The following LTBP1 variants were observed in gnomAD, a reference collection of about 807,000 sequenced individuals.
LTBP1 encodes the protein latent-transforming growth factor beta-binding protein 1.
Under a neutral mutation model 207.6 loss-of-function variants are expected in LTBP1, and 129 were observed. That is an observed-to-expected ratio of 0.62 (90% confidence interval 0.54 to 0.72). The LOEUF (loss-of-function observed/expected upper bound fraction) is 0.72, where lower values mean the gene tolerates loss of function less well. Among genes scored for constraint, LTBP1 ranks in the 30% least tolerant of loss-of-function variants. The pLI, the probability that LTBP1 is intolerant of heterozygous loss-of-function variation, is 0.00. For missense variants in LTBP1, 2,281 were observed against 2,217.2 expected (o/e 1.03, Z -0.58); for synonymous variants, 963 against 833.7 (o/e 1.16, Z -2.67).
chr2:33,225,171 G>A (rs1439407275), intron 9 of LTBP1, among the ~76,000 whole-genome samples: 2 of 152,106 alleles, frequency 1.3e-5, no homozygotes, highest in Non-Finnish European at 2.9e-5. Flanking sequence ...TATGGGGTAT[G>A]TAGTGATGTT....
chr2:32,992,211 C>A, intron 2 of LTBP1, among the ~76,000 whole-genome samples: 1 of 152,134 alleles, frequency 6.6e-6, no homozygotes. Context: ...TGTATGCTGC[C>A]ACGTGAAATG....
chr2:33,246,533 T>C (rs958708056), intron 10 of LTBP1, among the ~76,000 whole-genome samples: 2 of 152,056 alleles, frequency 1.3e-5, no homozygotes, highest in Non-Finnish European at 2.9e-5. Context: ...GGTTGCTAAA[T>C]GTTTGCTCTG....
At chr2:33,226,391 GT>G (rs2091439645) in intron 9 of LTBP1, among the ~76,000 whole-genome samples, 1 of 152,196 alleles carries the variant, frequency 6.6e-6, no homozygotes, top group African/African-American at 2.4e-5. Context: ...GCCTGAGAGG[GT>G]TTTTGGCTCT....
chr2:33,036,164 G>A (rs891501400), intron 3 of LTBP1, among the ~76,000 whole-genome samples: 7 of 152,106 alleles, frequency 4.6e-5, no homozygotes, highest in African/African-American at 1.4e-4. Flanking sequence ...CAGAATCGCC[G>A]GTGGAGGGCT....
At chr2:33,169,533 T>C (rs1177759586) in intron 5 of LTBP1, among the ~76,000 whole-genome samples, 1 of 152,040 alleles carries the variant, frequency 6.6e-6, no homozygotes, top group Non-Finnish European at 1.5e-5. Context: ...GAGAAGAAAA[T>C]AAAATACCAG....
chr2:33,034,337 G>A (rs1462617790), intron 3 of LTBP1, among the ~76,000 whole-genome samples: 29 of 152,112 alleles, frequency 1.9e-4, no homozygotes, highest in East Asian at 3.9e-4. Flanking sequence ...AACACTTGTC[G>A]GTATTAATAT....
intron 3 of LTBP1, among the ~76,000 whole-genome samples, chr2:33,055,051 G>C (rs1372687313): frequency 6.6e-6 from 1 of 152,130 alleles, no homozygotes; most frequent in Admixed American, 6.5e-5. Flanking sequence ...GAACCACCAA[G>C]GTTTGTTTGT....
At chr2:32,966,672 A>T (rs1680054656) in intron 2 of LTBP1, among the ~76,000 whole-genome samples, 1 of 152,070 alleles carries the variant, frequency 6.6e-6, no homozygotes, top group African/African-American at 2.4e-5. Flanking sequence ...TGTTGATGTG[A>T]TGGATTATGT....
chr2:33,288,889 G>T (rs2093720865), intron 19 of LTBP1, among the ~76,000 whole-genome samples: 2 of 151,896 alleles, frequency 1.3e-5, no homozygotes, highest in South Asian at 4.2e-4. Flanking sequence ...AAAAGAAGGT[G>T]GAGTCTGGGA....
chr2:33,029,747 G>C (rs143178319), intron 3 of LTBP1, among the ~76,000 whole-genome samples: 1 of 152,230 alleles, frequency 6.6e-6, no homozygotes, highest in Non-Finnish European at 1.5e-5. Context: ...CAAAATAGTG[G>C]AAAAATACTT....
chr2:33,216,647 T>G (rs2090725486), intron 7 of LTBP1, among the ~76,000 whole-genome samples: 1 of 152,214 alleles, frequency 6.6e-6, no homozygotes, highest in African/African-American at 2.4e-5. Flanking sequence ...TTGGATGCTC[T>G]GTGTTTGCAC....
chr2:33,152,176 A>G (rs2083591856), intron 5 of LTBP1, among the ~76,000 whole-genome samples: 2 of 152,144 alleles, frequency 1.3e-5, no homozygotes, highest in Admixed American at 1.3e-4. Context: ...ACATCTGACA[A>G]AGGACTAATA....
intron 3 of LTBP1, among the ~76,000 whole-genome samples, chr2:33,081,091 G>T (rs2149869108): frequency 6.6e-6 from 1 of 151,058 alleles, no homozygotes; most frequent in South Asian, 2.1e-4. Context: ...TGGACAAAGG[G>T]GGTATGATCT....
rs545248487 is a variant in LTBP1 at position 33,243,694 on chromosome 2, C to A, written c.1909C>A (p.Pro637Thr). Residue 637 changes from proline (P) to threonine (T), a missense_variant, in exon 10 of 34, where the codon CCT becomes ACT. Pro to Thr is a conservative substitution (Grantham distance 38). Transcript: ENST00000404816. ...INECQLQGVCPNGECLNTMGS... is the reference protein window; with the variant it reads ...INECQLQGVCTNGECLNTMGS... The stretch of plus-strand genomic sequence containing the variant: ...TGAATGTCAGCTACAAGGTGTATGC[C>A]CTAATGGTGAGTGTTTGAATACCAT... 6.2e-7 allele frequency: 1 copy of A among 1,613,876 alleles called. No individual in the cohort carries two copies. Among genetic ancestry groups the A allele is most frequent in the South Asian group, 1.1e-5 (1 of 91,054 alleles).
At chr2:33,285,855 A>G (rs2093656638) in intron 19 of LTBP1, 1 of 151,692 alleles carries the variant, frequency 6.6e-6, no homozygotes, top group Non-Finnish European at 1.5e-5. Context: ...GTCAGACTAG[A>G]TCGGGCACGT....
chr2:33,315,379 CTCAAAGCATGTATGCA>C (rs2094254252), intron 24 of LTBP1, 110 bp downstream of exon 24: 12 of 1,372,894 alleles, frequency 8.7e-6, no homozygotes, highest in Non-Finnish European at 1.2e-5. Flanking sequence ...AATTCAGAGC[CTCAAAGCATGTATGCA>C]TCAAAGTAAA....
intron 3 of LTBP1, among the ~76,000 whole-genome samples, chr2:33,074,288 T>C (rs1175543719): frequency 6.6e-6 from 1 of 152,206 alleles, no homozygotes; most frequent in Non-Finnish European, 1.5e-5. Flanking sequence ...GCAGCAATGA[T>C]TATTTTGCCA....
intron 20 of LTBP1, among the ~76,000 whole-genome samples, chr2:33,296,412 A>G (rs2093875777): frequency 1.3e-5 from 2 of 152,160 alleles, no homozygotes; most frequent in South Asian, 4.2e-4. Context: ...CTTGTTCAAG[A>G]TTATCCTGCC....
intron 5 of LTBP1, among the ~76,000 whole-genome samples, chr2:33,174,073 G>A (rs9678991): frequency 0.41 from 52,067 of 127,616 alleles, 10,878 homozygotes; most frequent in Non-Finnish European, 0.45. Context: ...AAAACTGGAA[G>A]CATTCCCTTT....
Sources: gnomAD v4.1 joint callset for allele counts (sites outside exome capture counted in the v4.1 genomes callset) on GRCh38, gnomAD v4.1.1 for gene constraint, MANE v1.5 for transcripts, NCBI Gene and HGNC (gene_info 2026-07-23, HGNC 2026-07-21) for gene names.